The following PER3 variants were observed in gnomAD, a reference collection of about 807,000 sequenced individuals.
PER3 encodes the protein period circadian protein homolog 3.
PER3 carries 107 observed loss-of-function variants against 127.2 expected under a neutral mutation model. The ratio of observed to expected loss-of-function variants is 0.84; its 90% CI spans 0.72 to 0.99. The LOEUF (loss-of-function observed/expected upper bound fraction) is 0.99. Ranked by LOEUF, PER3 falls within the 50% of genes least tolerant of loss-of-function variation. The pLI, the probability that PER3 is intolerant of heterozygous loss-of-function variation, is 0.00. For missense variants in PER3, 1,560 were observed against 1,525.8 expected (o/e 1.02, Z -0.37); for synonymous variants, 618 against 585.8 (o/e 1.05, Z -0.79).
chr1:7,789,313 G>A (rs1290313282), intron 5 of PER3, among the ~76,000 whole-genome samples: 2 of 152,068 alleles, frequency 1.3e-5, no homozygotes, highest in Non-Finnish European at 2.9e-5. Context: ...ATGTGTCGTG[G>A]GAGGAACCCA....
chr1:7,820,006 A>G (rs1443933953), intron 14 of PER3, 109 bp from the exon 15 acceptor site: 1 of 1,097,480 alleles, frequency 9.1e-7, no homozygotes, highest in Non-Finnish European at 1.3e-6. Context: ...TTATCAAAGA[A>G]GAAAGTACAA....
intron 15 of PER3, 103 bp downstream of exon 15, chr1:7,820,342 C>T: frequency 7.1e-7 from 1 of 1,418,028 alleles, no homozygotes; most frequent in Non-Finnish European, 9.6e-7. Flanking sequence ...ATTCTGGTTT[C>T]ATATTACCTC....
In PER3 at chr1:7,827,626, G is replaced by A. The variant is rs572704275; in HGVS notation, c.2697G>A (p.Leu899=). 1.2e-6 allele frequency: 2 copies of A among 1,614,154 alleles called. No individual in the cohort carries two copies. Among genetic ancestry groups the A allele is most frequent in the African/African-American group, 2.7e-5 (2 of 75,028 alleles). Residue 899 remains leucine (L), a synonymous_variant, in exon 18 of 22, where the codon CTG becomes CTA. Coordinates refer to ENST00000377532, the MANE Select transcript of PER3 (RefSeq NM_001377275.1). ...PSMSSAMSPT[L]DPPPSVTSQR... is the part of the protein sequence containing the mutation. The stretch of plus-strand genomic sequence containing the variant: ...TGTCGTCAGCAATGAGTCCAACTCT[G>A]GACCCACCCCCTTCAGTCACCAGCC...
chr1:7,794,478 C>A (rs1335482148), intron 6 of PER3, among the ~76,000 whole-genome samples: 1 of 151,662 alleles, frequency 6.6e-6, no homozygotes, highest in African/African-American at 2.4e-5. Flanking sequence ...GGCAACAGAG[C>A]GAGACTCTGT....
chr1:7,795,369 C>G (rs2097140597), intron 6 of PER3, among the ~76,000 whole-genome samples: 1 of 152,174 alleles, frequency 6.6e-6, no homozygotes, highest in South Asian at 2.1e-4. Flanking sequence ...CCTGTGTTGG[C>G]TGGTGATAAG....
In PER3 at chr1:7,791,872, G is replaced by A. The variant is rs2097123300; in HGVS notation, c.593-2085G>A. On this transcript the variant is annotated intron_variant, in intron 5 of 21. Transcript: ENST00000377532. ...CTCATCTCTCTCTGAGACCACCTCAGCCTGCACTTCATTGTCCATATCACT... is the reference window on the plus strand; with the variant it reads ...CTCATCTCTCTCTGAGACCACCTCAACCTGCACTTCATTGTCCATATCACT... Among the ~76,000 whole-genome samples the A allele has an allele frequency of 2.6e-5, 4 of 152,236 alleles. No homozygotes were observed. In the South Asian group the frequency reaches 6.2e-4, roughly 24 times the overall value.
intron 19 of PER3, among the ~76,000 whole-genome samples, chr1:7,834,078 A>G (rs1470110967): frequency 6.6e-6 from 1 of 152,008 alleles, no homozygotes; most frequent in Non-Finnish European, 1.5e-5. Context: ...GTGCACCACC[A>G]CGCCTAATTT....
chr1:7,784,658 G>A lies in PER3; in HGVS notation c.-220G>A. 1 of 458,504 alleles carries A rather than the reference G, an allele frequency of 2.2e-6. No homozygotes were observed. Among genetic ancestry groups the A allele is most frequent in the Non-Finnish European group, 3.8e-6 (1 of 263,800 alleles). 28.4% of individuals were successfully genotyped at this position (458,504 alleles called of 1,614,324 possible). A position where few individuals can be genotyped will look rare whatever the true frequency, so the allele number is the denominator to read the frequency against. ...ACCCTTGTCTCCTCCCCCTAGGCCG[G>A]AGTCCTGAAAGTCGAGCGAGCTCCG... On this transcript the variant is annotated 5_prime_UTR_variant, in exon 2 of 22. Transcript: ENST00000377532.
At chr1:7,810,070 C>G (rs2097212709) in intron 12 of PER3, 49 bp downstream of exon 12, 1 of 1,566,160 alleles carries the variant, frequency 6.4e-7, no homozygotes, top group South Asian at 1.1e-5. Context: ...GTTTTCTGTA[C>G]TACCTCGGTT....
rs1383006968 is a variant in PER3, at chr1:7,819,378, G to GCCCA, written c.1617_1620dup (p.Ser541ProfsTer50). 6.2e-7 allele frequency: 1 copy of GCCCA among 1,614,070 alleles called. No individual in the cohort carries two copies. Among genetic ancestry groups the GCCCA allele is most frequent in the Non-Finnish European group, 8.5e-7 (1 of 1,179,922 alleles). The stretch of plus-strand genomic sequence containing the variant: ...GAGGATTTGAGGAACGATGAGCACA[G>GCCCA]CCCATCCTATCAACAGATCAACTGT... On this transcript the variant is annotated frameshift_variant, in exon 14 of 22. Transcript: ENST00000377532. LOFTEE classifies it high-confidence loss of function.
At chr1:7,812,624 C>CAAAAAAAAAAAAAAA (rs35962033) in intron 13 of PER3, among the ~76,000 whole-genome samples, 3 of 85,414 alleles carry the variant, frequency 3.5e-5, no homozygotes, top group East Asian at 3.7e-4. Flanking sequence ...GACTCCGTCT[C>CAAAAAAAAAAAAAAA]AAAAAAAAAA....
At position 7,826,779 on chromosome 1, in the gene PER3, G is replaced by C. The variant is rs1433298137; in HGVS notation, c.2188+69G>C. On this transcript the variant is annotated intron_variant, in intron 17 of 21. Transcript: ENST00000377532. This position sits in a 1 kb window ranked among gnomAD's most constrained non-coding sequence, Gnocchi z 4.2. ...GTTACAAACTGTATCTAAGGACTAG[G>C]AGATAAGGAGTGAACAATAGGAGTT... 3 of 907,696 alleles carry C rather than the reference G, an allele frequency of 3.3e-6. No individual in the cohort carries two copies. Among genetic ancestry groups the C allele is most frequent in the Non-Finnish European group, 5.3e-6 (3 of 564,088 alleles). The allele number at this position is 907,696 out of a possible 1,614,324, so 56.2% of individuals were successfully genotyped here. A position where few individuals can be genotyped will look rare whatever the true frequency, so the allele number is the denominator to read the frequency against.
At chr1:7,789,022 A>G (rs1425377755) in intron 5 of PER3, among the ~76,000 whole-genome samples, 1 of 152,132 alleles carries the variant, frequency 6.6e-6, no homozygotes, top group East Asian at 1.9e-4. Context: ...TCATAATTCA[A>G]AGATGCCTAT....
At chr1:7,836,883 T>C (rs1454801116) in intron 20 of PER3, 116 bp from the exon 21 acceptor site, 1 of 663,788 alleles carries the variant, frequency 1.5e-6, no homozygotes, top group Non-Finnish European at 2.5e-6. Context: ...GTATGCCTCA[T>C]GTGTTAGAAA....
At chr1:7,813,499 T>C (rs1298670589) in intron 13 of PER3, among the ~76,000 whole-genome samples, 1 of 152,138 alleles carries the variant, frequency 6.6e-6, no homozygotes, top group Non-Finnish European at 1.5e-5. Context: ...ACCGACAGCC[T>C]GAGTCAAGTA....
At chr1:7,810,812 T>C (rs535423373) in intron 13 of PER3, 1 of 360,788 alleles carries the variant, frequency 2.8e-6, no homozygotes, top group Admixed American at 4.4e-5. Context: ...TTGTAACAGT[T>C]GCAGTTCACT....
At chr1:7,809,026 G>C in intron 11 of PER3, 28 bp downstream of exon 11, 2 of 1,095,568 alleles carry the variant, frequency 1.8e-6, no homozygotes. Flanking sequence ...AAAATGCAAA[G>C]TTCCCTGAAT....
At chr1:7,787,580 C>G in intron 4 of PER3, 1 of 331,710 alleles carries the variant, frequency 3.0e-6, no homozygotes, top group South Asian at 2.4e-5. Context: ...TGCTAGCAAA[C>G]ACAAACTGCT....
chr1:7,836,454 C>T lies in PER3; in HGVS notation c.3398+509C>T, dbSNP rs1357379121. Among the ~76,000 whole-genome samples, 3 of 152,300 alleles carry T rather than the reference C, an allele frequency of 2.0e-5. No individual in the cohort carries two copies. In the East Asian group the frequency reaches 5.8e-4, roughly 29 times the overall value. ...TCGGCCTCCCAAAGTGCTGGGATTA[C>T]AGGCGTGAGCCACTGCACCCGGCCT... is the stretch of plus-strand genomic sequence containing the variant. On this transcript the variant is annotated intron_variant, in intron 20 of 21. Coordinates refer to ENST00000377532, the MANE Select transcript of PER3 (RefSeq NM_001377275.1).
Sources: gnomAD v4.1 joint callset for allele counts (sites outside exome capture counted in the v4.1 genomes callset) on GRCh38, gnomAD v4.1.1 for gene constraint, Gnocchi (gnomAD v3.1) non-coding constraint, MANE v1.5 for transcripts, NCBI Gene and HGNC (gene_info 2026-07-23, HGNC 2026-07-21) for gene names.